The following PTPRG variants were observed in gnomAD, a reference collection of about 807,000 sequenced individuals.
PTPRG encodes protein tyrosine phosphatase receptor type G, also known as receptor-type tyrosine-protein phosphatase gamma.
In PTPRG, 102 loss-of-function variants were observed where a neutral mutation model predicts 165.3. The observed-to-expected ratio is 0.62, with a 90% CI of 0.53 to 0.73. PTPRG has a LOEUF of 0.73. Ranked by LOEUF, PTPRG falls within the 30% of genes least tolerant of loss-of-function variation. PTPRG has a pLI of 0.00. For synonymous variants in PTPRG, 675 were observed against 669.5 expected (o/e 1.01, Z -0.13); for missense variants, 1,866 against 1,861.4 (o/e 1.00, Z -0.05).
chr3:62,153,061 A>T (rs917697933), intron 6 of PTPRG, among the ~76,000 whole-genome samples: 3 of 152,252 alleles, frequency 2.0e-5, no homozygotes, highest in Admixed American at 6.5e-5. Context: ...TAGCATTTCA[A>T]ATACAGTTAA....
intron 1 of PTPRG, among the ~76,000 whole-genome samples, chr3:61,603,516 A>G (rs1451794384): frequency 6.6e-6 from 1 of 152,162 alleles, no homozygotes; most frequent in African/African-American, 2.4e-5. Flanking sequence ...TTTTCTTTAT[A>G]AATTACCCAG....
intron 2 of PTPRG, among the ~76,000 whole-genome samples, chr3:61,875,166 G>A (rs2037699149): frequency 6.6e-6 from 1 of 152,182 alleles, no homozygotes; most frequent in South Asian, 2.1e-4. Flanking sequence ...TTTTCAGTGT[G>A]TAGAAGTCAT....
chr3:62,192,021 C>T (rs1245870936), intron 9 of PTPRG, among the ~76,000 whole-genome samples: 1 of 152,168 alleles, frequency 6.6e-6, no homozygotes, highest in East Asian at 1.9e-4. Context: ...TCAACAGGTC[C>T]TATATAACTG....
intron 2 of PTPRG, among the ~76,000 whole-genome samples, chr3:61,890,700 A>C (rs980747009): frequency 1.3e-5 from 2 of 152,086 alleles, no homozygotes; most frequent in Non-Finnish European, 2.9e-5. Flanking sequence ...TTGACTTTTA[A>C]AAAAAGTCTA....
At chr3:61,628,836 G>A (rs1701687772) in intron 1 of PTPRG, among the ~76,000 whole-genome samples, 1 of 152,162 alleles carries the variant, frequency 6.6e-6, no homozygotes, top group Non-Finnish European at 1.5e-5. Context: ...CCCCTATTTT[G>A]CAAGGAAGGA....
intron 4 of PTPRG, among the ~76,000 whole-genome samples, chr3:62,014,988 G>C (rs1426305979): frequency 6.6e-6 from 1 of 152,220 alleles, no homozygotes; most frequent in African/African-American, 2.4e-5. Context: ...ACATAGTCCT[G>C]AGACATATTC....
intron 1 of PTPRG, among the ~76,000 whole-genome samples, chr3:61,738,507 C>G (rs2032850279): frequency 6.6e-6 from 1 of 150,500 alleles, no homozygotes; most frequent in African/African-American, 2.4e-5. Context: ...CCATGGTGCT[C>G]TATTCGACTT....
chr3:61,909,741 A>C (rs1245737387), intron 2 of PTPRG, among the ~76,000 whole-genome samples: 2 of 151,766 alleles, frequency 1.3e-5, no homozygotes, highest in Non-Finnish European at 2.9e-5. Flanking sequence ...AAGGGTAGCA[A>C]AGTAATAATA....
Position 62,219,811 on chromosome 3 carries a change from T to A in PTPRG, c.2288+828T>A, listed in dbSNP as rs1217921311. Among the ~76,000 whole-genome samples, 1 of 152,140 alleles carries A rather than the reference T, an allele frequency of 6.6e-6. No homozygotes were observed. Among genetic ancestry groups the A allele is most frequent in the Non-Finnish European group, 1.5e-5 (1 of 68,036 alleles). ...TAGACACAAATGATTTCTGAAGAAGTGAGTAAAACAGATAAGAATCCTTAC... is the reference window on the plus strand; with the variant it reads ...TAGACACAAATGATTTCTGAAGAAGAGAGTAAAACAGATAAGAATCCTTAC... On this transcript the variant is annotated intron_variant, in intron 13 of 29. Coordinates refer to ENST00000474889, the MANE Select transcript of PTPRG (RefSeq NM_002841.4). This position sits in a 1 kb window ranked among gnomAD's most constrained non-coding sequence, Gnocchi z 4.5.
At chr3:62,184,574 A>G (rs917251489) in intron 8 of PTPRG, among the ~76,000 whole-genome samples, 1 of 152,094 alleles carries the variant, frequency 6.6e-6, no homozygotes, top group African/African-American at 2.4e-5. Context: ...GCTCTCTTCC[A>G]CCTGACTGGT....
chr3:61,582,537 A>T (rs2106800409), intron 1 of PTPRG, among the ~76,000 whole-genome samples: 1 of 152,270 alleles, frequency 6.6e-6, no homozygotes, highest in South Asian at 2.1e-4. Flanking sequence ...AGGAACCCAG[A>T]AGCCTTTGCC....
At chr3:61,642,426 T>A (rs1001560103) in intron 1 of PTPRG, among the ~76,000 whole-genome samples, 1 of 152,194 alleles carries the variant, frequency 6.6e-6, no homozygotes, top group South Asian at 2.1e-4. Flanking sequence ...GGAGAGCAGC[T>A]TAGTGTCCTC....
chr3:62,201,748 T>A (rs1315564609), intron 11 of PTPRG, among the ~76,000 whole-genome samples, 194 bp downstream of exon 11: 2 of 152,184 alleles, frequency 1.3e-5, no homozygotes, highest in Non-Finnish European at 2.9e-5. Flanking sequence ...CAGTGTTAGG[T>A]GGTTATATTA....
chr3:61,795,791 T>C (rs1476012304), intron 2 of PTPRG, among the ~76,000 whole-genome samples: 1 of 152,094 alleles, frequency 6.6e-6, no homozygotes, highest in African/African-American at 2.4e-5. Flanking sequence ...TGATTACTAG[T>C]ACTTTAGAAC....
At chr3:61,657,252 C>T (rs1220019560) in intron 1 of PTPRG, among the ~76,000 whole-genome samples, 2 of 152,092 alleles carry the variant, frequency 1.3e-5, no homozygotes, top group African/African-American at 4.8e-5. Flanking sequence ...TTCCTTTCCT[C>T]TGGGCATGTG....
Position 62,195,856 on chromosome 3 carries a change from T to C in PTPRG, c.1327+686T>C, listed in dbSNP as rs1003525635. On this transcript the variant is annotated intron_variant, in intron 10 of 29. Transcript: ENST00000474889. This position sits in a 1 kb window ranked among gnomAD's most constrained non-coding sequence, Gnocchi z 4.4. ...TTGCCCAAGCTGGAGTGCAGTGGGG[T>C]GGTGTTGGCTCACTGCAACCTCTGC... Among the ~76,000 whole-genome samples the C allele has an allele frequency of 6.6e-6, 1 of 152,112 alleles. No individual in the cohort carries two copies. The highest frequency in any genetic ancestry group is 1.5e-5 in the Non-Finnish European group (1 of 67,994).
chr3:62,219,090 C>T lies in PTPRG; in HGVS notation c.2288+107C>T. The T allele has an allele frequency of 6.9e-7, 1 of 1,442,974 alleles. No individual in the cohort carries two copies. The highest frequency in any genetic ancestry group is 2.3e-5 in the East Asian group (1 of 42,642). 89.4% of individuals were successfully genotyped at this position (1,442,974 alleles called of 1,614,324 possible). Reference sequence around the variant, plus strand: ...CTCTGCATTCAGGAAGGTGAGGTAGCTTAAGTGTTTCTGGTCTTGCCACCC... The same window carrying T: ...CTCTGCATTCAGGAAGGTGAGGTAGTTTAAGTGTTTCTGGTCTTGCCACCC... On this transcript the variant is annotated intron_variant, in intron 13 of 29. Transcript: ENST00000474889. The surrounding 1 kb of genome is among the most constrained non-coding windows in gnomAD (Gnocchi z 4.5).
At chr3:62,259,725 A>G (rs1701636642) in intron 16 of PTPRG, among the ~76,000 whole-genome samples, 1 of 152,224 alleles carries the variant, frequency 6.6e-6, no homozygotes, top group Non-Finnish European at 1.5e-5. Context: ...ATGCTGTGTT[A>G]TACTCTCCAA....
chr3:62,263,138 T>C (rs1701751566), intron 17 of PTPRG: 1 of 399,874 alleles, frequency 2.5e-6, no homozygotes, highest in African/African-American at 2.1e-5. Flanking sequence ...GTTTGGAGCT[T>C]CGCTATTTTC....
Sources: gnomAD v4.1 joint callset for allele counts (sites outside exome capture counted in the v4.1 genomes callset) on GRCh38, gnomAD v4.1.1 for gene constraint, Gnocchi (gnomAD v3.1) non-coding constraint, MANE v1.5 for transcripts, NCBI Gene and HGNC (gene_info 2026-07-23, HGNC 2026-07-21) for gene names.